LRRTM3: variants seen among roughly 807,000 people sequenced by gnomAD.
LRRTM3 encodes leucine-rich repeat transmembrane neuronal protein 3.
A neutral mutation model predicts 44.7 loss-of-function variants in LRRTM3; 24 were observed. The ratio of observed to expected loss-of-function variants is 0.54; its 90% CI spans 0.39 to 0.76. The LOEUF (loss-of-function observed/expected upper bound fraction) is 0.76, where lower values mean the gene tolerates loss of function less well. Ranked by LOEUF, LRRTM3 falls within the 30% of genes least tolerant of loss-of-function variation. LRRTM3 has a pLI of 0.00. For synonymous variants in LRRTM3, 277 were observed against 278.7 expected, an observed-to-expected ratio of 0.99 and a Z score of 0.06; for missense variants, 587 against 702.2, an observed-to-expected ratio of 0.84 and a Z score of 1.85.
At chr10:66,997,715 C>T (rs924153361) in intron 2 of LRRTM3, among the ~76,000 whole-genome samples, 1 of 152,108 alleles carries the variant, frequency 6.6e-6, no homozygotes, top group Admixed American at 6.5e-5. Context: ...TAATCTTATA[C>T]CTTATTCCGT....
chr10:67,050,434 G>T (rs138177577), intron 2 of LRRTM3, among the ~76,000 whole-genome samples: 144 of 152,050 alleles, frequency 9.5e-4, no homozygotes, highest in Non-Finnish European at 1.1e-3. Context: ...AATGACTTAA[G>T]AATATTAGAA....
intron 2 of LRRTM3, among the ~76,000 whole-genome samples, chr10:66,982,156 GGCAGTTTGAACA>G (rs1486930853): frequency 6.6e-6 from 1 of 152,158 alleles, no homozygotes; most frequent in Non-Finnish European, 1.5e-5. Flanking sequence ...TTTGCATTCT[GGCAGTTTGAACA>G]GCAGAGTTAT....
intron 2 of LRRTM3, among the ~76,000 whole-genome samples, chr10:67,080,210 G>C (rs574813325): frequency 6.6e-6 from 1 of 152,258 alleles, no homozygotes; most frequent in Non-Finnish European, 1.5e-5. Flanking sequence ...TTGTTTTGCA[G>C]GCTAGAGCCA....
intron 2 of LRRTM3, among the ~76,000 whole-genome samples, chr10:67,047,602 T>C (rs1203610714): frequency 6.6e-6 from 1 of 152,168 alleles, no homozygotes; most frequent in African/African-American, 2.4e-5. Context: ...CAGGCTCTCG[T>C]ATAGGCAATA....
chr10:66,949,088 T>A (rs1848411209), intron 2 of LRRTM3, among the ~76,000 whole-genome samples: 1 of 152,220 alleles, frequency 6.6e-6, no homozygotes, highest in Non-Finnish European at 1.5e-5. Flanking sequence ...AAATTTATAA[T>A]CTGCATTGAT....
chr10:67,000,869 A>C (rs1851645673), intron 2 of LRRTM3, among the ~76,000 whole-genome samples: 1 of 152,160 alleles, frequency 6.6e-6, no homozygotes, highest in Non-Finnish European at 1.5e-5. Context: ...TGTCTAGCCA[A>C]AGTCAATTAC....
intron 2 of LRRTM3, among the ~76,000 whole-genome samples, chr10:67,096,161 C>T (rs984830623): frequency 6.6e-6 from 1 of 151,676 alleles, no homozygotes; most frequent in South Asian, 2.1e-4. Flanking sequence ...CCGAAATATT[C>T]ATATTATAAG....
chr10:66,996,219 G>C (rs1167333953), intron 2 of LRRTM3, among the ~76,000 whole-genome samples: 6 of 152,168 alleles, frequency 3.9e-5, no homozygotes, highest in Non-Finnish European at 1.5e-5. Context: ...TATAATTAGA[G>C]ATGTTAACAA....
intron 2 of LRRTM3, among the ~76,000 whole-genome samples, chr10:67,064,864 T>C (rs1451487499): frequency 6.6e-6 from 1 of 152,228 alleles, no homozygotes; most frequent in Non-Finnish European, 1.5e-5. Flanking sequence ...GAAATTTATA[T>C]GTAAGTATTT....
intron 2 of LRRTM3, among the ~76,000 whole-genome samples, chr10:67,026,165 G>A (rs911043278): frequency 2.7e-5 from 4 of 150,236 alleles, no homozygotes; most frequent in East Asian, 2.0e-4. Context: ...GCTAAATGAC[G>A]AGTTAATGGG....
chr10:67,019,238 A>G (rs1852840336), intron 2 of LRRTM3, among the ~76,000 whole-genome samples: 1 of 152,062 alleles, frequency 6.6e-6, no homozygotes, highest in Admixed American at 6.6e-5. Flanking sequence ...TTTTGTTTTG[A>G]GACGTAGTCT....
Position 66,928,305 on chromosome 10 carries a change from A to G in LRRTM3, c.1389A>G (p.Lys463=). ...QQRSLMRRHR[K]KKRQSLKQMT... ...GCTCCCTCATGCGAAGGCACAGGAAAAAGAAAAGACAGTCCCTAAAGCAAA... is the reference window on the plus strand; with the variant it reads ...GCTCCCTCATGCGAAGGCACAGGAAGAAGAAAAGACAGTCCCTAAAGCAAA... The change falls in exon 2 of 3, where the codon AAA becomes AAG. Residue 463 remains lysine (K), a synonymous_variant. Coordinates refer to ENST00000361320, the MANE Select transcript of LRRTM3 (RefSeq NM_178011.5). 1 of 1,614,150 alleles carries G rather than the reference A, an allele frequency of 6.2e-7. No homozygotes were observed. Among genetic ancestry groups the G allele is most frequent in the Non-Finnish European group, 8.5e-7 (1 of 1,180,032 alleles).
In LRRTM3 at chr10:66,970,543, A is replaced by G. The variant is rs761174796; in HGVS notation, c.1536+42091A>G. Among the ~76,000 whole-genome samples the G allele has an allele frequency of 3.1e-4, 47 of 151,690 alleles. 1 individual carries two copies. Among genetic ancestry groups the G allele is most frequent in the Non-Finnish European group, 2.1e-4 (14 of 67,918 alleles). ...TTCTTCTATTAGGGAAATTTTTATCACCTACTTATTTTTACATAAATTCTA... is the reference window on the plus strand; with the variant it reads ...TTCTTCTATTAGGGAAATTTTTATCGCCTACTTATTTTTACATAAATTCTA... On this transcript the variant is annotated intron_variant, in intron 2 of 2. Coordinates refer to ENST00000361320, the MANE Select transcript of LRRTM3 (RefSeq NM_178011.5).
At chr10:67,074,811 A>T (rs926047465) in intron 2 of LRRTM3, among the ~76,000 whole-genome samples, 4 of 147,108 alleles carry the variant, frequency 2.7e-5, no homozygotes, top group African/African-American at 7.9e-5. Context: ...AACATAACAT[A>T]ATTTATTTAT....
chr10:67,077,625 C>A (rs1856806335), intron 2 of LRRTM3, among the ~76,000 whole-genome samples: 1 of 152,124 alleles, frequency 6.6e-6, no homozygotes, highest in South Asian at 2.1e-4. Flanking sequence ...GATGCAACTC[C>A]CTGAAAGACT....
chr10:67,052,310 A>ATCCCTCTCTC (rs1238182355), intron 2 of LRRTM3, among the ~76,000 whole-genome samples: 1 of 92,760 alleles, frequency 1.1e-5, no homozygotes, highest in Non-Finnish European at 2.2e-5. Context: ...ACACCCACTC[A>ATCCCTCTCTC]TCACTCTCTC....
intron 2 of LRRTM3, among the ~76,000 whole-genome samples, chr10:67,042,934 A>G (rs1854497566): frequency 6.6e-6 from 1 of 152,260 alleles, no homozygotes; most frequent in South Asian, 2.1e-4. Context: ...CGAACGCTAT[A>G]AAAGAGGAGC....
At chr10:66,965,996 C>T (rs1287561851) in intron 2 of LRRTM3, among the ~76,000 whole-genome samples, 3 of 152,138 alleles carry the variant, frequency 2.0e-5, no homozygotes, top group Non-Finnish European at 4.4e-5. Flanking sequence ...ACCATAAAGG[C>T]AGTGTATAGA....
At chr10:66,962,196 C>G (rs1480819533) in intron 2 of LRRTM3, among the ~76,000 whole-genome samples, 1 of 152,078 alleles carries the variant, frequency 6.6e-6, no homozygotes, top group Non-Finnish European at 1.5e-5. Flanking sequence ...TCATGAAAGG[C>G]AAAGTAATTA....
Sources: gnomAD v4.1 joint callset for allele counts (sites outside exome capture counted in the v4.1 genomes callset) on GRCh38, gnomAD v4.1.1 for gene constraint, MANE v1.5 for transcripts, NCBI Gene and HGNC (gene_info 2026-07-23, HGNC 2026-07-21) for gene names.